CACNA1B: variants seen among roughly 807,000 people sequenced by gnomAD.
CACNA1B encodes voltage-dependent N-type calcium channel subunit alpha-1B.
A neutral mutation model predicts 247.2 loss-of-function variants in CACNA1B; 70 were observed. That is an observed-to-expected ratio of 0.28 (90% CI 0.23 to 0.35). The LOEUF (loss-of-function observed/expected upper bound fraction) is 0.35, where lower values mean the gene tolerates loss of function less well. Ranked by LOEUF, CACNA1B falls within the 10% of genes least tolerant of loss-of-function variation. The pLI, the probability that CACNA1B is intolerant of heterozygous loss-of-function variation, is 1.00. For synonymous variants in CACNA1B, 1,231 were observed against 1,294.4 expected, an observed-to-expected ratio of 0.95 and a Z score of 1.05; for missense variants, 2,367 against 3,197.4, an observed-to-expected ratio of 0.74 and a Z score of 6.26.
chr9:138,002,002 C>T (rs1475906222), intron 15 of CACNA1B, among the ~76,000 whole-genome samples: 1 of 152,122 alleles, frequency 6.6e-6, no homozygotes, highest in Non-Finnish European at 1.5e-5. Flanking sequence ...TCAACGCAAT[C>T]CTGATCCAAA....
intron 32 of CACNA1B, among the ~76,000 whole-genome samples, chr9:138,071,358 T>C (rs1589110886): frequency 6.6e-6 from 1 of 152,126 alleles, no homozygotes; most frequent in Non-Finnish European, 1.5e-5. Context: ...CTCAGTGAGG[T>C]TGGGGCAGGC....
intron 36 of CACNA1B, among the ~76,000 whole-genome samples, chr9:138,085,113 A>G (rs1405819862): frequency 6.6e-6 from 1 of 150,964 alleles, no homozygotes; most frequent in African/African-American, 2.5e-5. Flanking sequence ...ACAGATAGAC[A>G]ATGCAATGAA....
Position 138,122,017 on chromosome 9 carries a change from A to G in CACNA1B, c.*18A>G. On this transcript the variant is annotated 3_prime_UTR_variant, in exon 47 of 47. Coordinates refer to ENST00000371372, the MANE Select transcript of CACNA1B (RefSeq NM_000718.4). ...GGTGCTAGCTGCACCGTGACCGCTCAGACGCCTGCATGCAGCAGGCGTGTG... is the reference window on the plus strand; with the variant it reads ...GGTGCTAGCTGCACCGTGACCGCTCGGACGCCTGCATGCAGCAGGCGTGTG... The G allele has an allele frequency of 6.3e-7, 1 of 1,583,856 alleles. No individual in the cohort carries two copies. The highest frequency in any genetic ancestry group is 8.5e-7 in the Non-Finnish European group (1 of 1,170,072).
In CACNA1B at chr9:138,050,087, G is replaced by T; in HGVS notation, c.3710+772G>T. ...CTGGACTCGGCAGGAGCTTCGTGGGGTAATGCCTTCTCTCCCCCACACGCT... is the reference window on the plus strand; with the variant it reads ...CTGGACTCGGCAGGAGCTTCGTGGGTTAATGCCTTCTCTCCCCCACACGCT... On this transcript the variant is annotated intron_variant, in intron 24 of 46. Coordinates refer to ENST00000371372, the MANE Select transcript of CACNA1B (RefSeq NM_000718.4). This position sits in a 1 kb window ranked among gnomAD's most constrained non-coding sequence, Gnocchi z 5.2. 1 of 1,289,572 alleles carries T rather than the reference G, an allele frequency of 7.8e-7. No individual in the cohort carries two copies. Among genetic ancestry groups the T allele is most frequent in the Admixed American group, 2.3e-5 (1 of 43,566 alleles). The allele number at this position is 1,289,572 out of a possible 1,614,324, so 79.9% of individuals were successfully genotyped here.
chr9:137,979,568 C>T (rs966254640), intron 12 of CACNA1B, among the ~76,000 whole-genome samples: 2 of 152,246 alleles, frequency 1.3e-5, no homozygotes, highest in South Asian at 4.1e-4. Flanking sequence ...AGGATGTGAA[C>T]ACCAGACAGT....
chr9:138,076,231 C>T (rs552295502), intron 35 of CACNA1B, among the ~76,000 whole-genome samples: 2 of 152,296 alleles, frequency 1.3e-5, no homozygotes, highest in Admixed American at 6.5e-5. Context: ...GGTGAGGCTC[C>T]AGGCAGAGGT....
intron 5 of CACNA1B, among the ~76,000 whole-genome samples, chr9:137,916,056 G>C: frequency 7.2e-6 from 1 of 138,988 alleles, no homozygotes; most frequent in Non-Finnish European, 1.5e-5. Flanking sequence ...TTTTTGAGAC[G>C]GAGTCTCACT....
At chr9:138,042,790 C>T (rs942316293) in intron 20 of CACNA1B, among the ~76,000 whole-genome samples, 2 of 152,188 alleles carry the variant, frequency 1.3e-5, no homozygotes, top group Admixed American at 1.3e-4. Context: ...TTTTCTCTGG[C>T]ACAGCCCTTC....
At chr9:138,017,649 G>A (rs974074955) in intron 18 of CACNA1B, among the ~76,000 whole-genome samples, 1 of 152,200 alleles carries the variant, frequency 6.6e-6, no homozygotes, top group Admixed American at 6.5e-5. Context: ...GAGGGACTGT[G>A]TCTGTGATTC....
At chr9:138,096,333 C>A (rs1961054583) in intron 36 of CACNA1B, 151 bp from the exon 37 acceptor site, 1 of 607,668 alleles carries the variant, frequency 1.6e-6, no homozygotes, top group East Asian at 2.8e-5. Flanking sequence ...CTTGGAAGTC[C>A]CATGGGGAGA....
Position 138,007,023 on chromosome 9 carries a change from G to C in CACNA1B, c.2092+139G>C. On this transcript the variant is annotated intron_variant, in intron 16 of 46. Coordinates refer to ENST00000371372, the MANE Select transcript of CACNA1B (RefSeq NM_000718.4). The surrounding 1 kb of genome is among the most constrained non-coding windows in gnomAD (Gnocchi z 4.1). ...ATTCTCAGAGCTGAGTGCAGATGGA[G>C]AACATTCTGCAGGTGGCCGGAGCGC... is the stretch of plus-strand genomic sequence containing the variant. 5 of 607,242 alleles carry C rather than the reference G, an allele frequency of 8.2e-6. No homozygotes were observed. The highest frequency in any genetic ancestry group is 3.0e-6 in the Non-Finnish European group (1 of 329,032). The allele number at this position is 607,242 out of a possible 1,614,324, so 37.6% of individuals were successfully genotyped here. A position where few individuals can be genotyped will look rare whatever the true frequency, so the allele number is the denominator to read the frequency against.
intron 20 of CACNA1B, among the ~76,000 whole-genome samples, chr9:138,039,700 A>C (rs905501157): frequency 1.3e-5 from 2 of 151,982 alleles, no homozygotes; most frequent in African/African-American, 4.8e-5. Flanking sequence ...GATCTGTATG[A>C]TAGTTTTCTT....
At chr9:137,939,803 A>AAAAT (rs756173569) in intron 6 of CACNA1B, among the ~76,000 whole-genome samples, 6,578 of 143,728 alleles carry the variant, frequency 0.046, 192 homozygotes, top group Middle Eastern at 0.06. Flanking sequence ...ACTCCGTCTC[A>AAAAT]AAATAAATAA....
chr9:137,945,582 C>A (rs1289680768), intron 6 of CACNA1B, among the ~76,000 whole-genome samples: 1 of 152,260 alleles, frequency 6.6e-6, no homozygotes, highest in African/African-American at 2.4e-5. Flanking sequence ...AAGCTTTTAA[C>A]TTCAGCCAAT....
chr9:138,106,890 C>T (rs1209288118), intron 39 of CACNA1B, among the ~76,000 whole-genome samples: 2 of 152,208 alleles, frequency 1.3e-5, no homozygotes, highest in African/African-American at 2.4e-5. Context: ...CCAGCTTCAC[C>T]AGAGCTGCCC....
chr9:138,118,854 G>A, intron 44 of CACNA1B, 86 bp downstream of exon 44: 1 of 673,954 alleles, frequency 1.5e-6, no homozygotes, highest in Non-Finnish European at 2.6e-6. Flanking sequence ...TCCTGCAGGT[G>A]AGGAGAGCTG....
chr9:138,031,428 T>C (rs930921184), intron 20 of CACNA1B, among the ~76,000 whole-genome samples: 1 of 152,164 alleles, frequency 6.6e-6, no homozygotes, highest in Non-Finnish European at 1.5e-5. Context: ...TGGCCCAGGA[T>C]GTGGGATATC....
chr9:137,970,933 C>T (rs1247694384), intron 10 of CACNA1B, among the ~76,000 whole-genome samples: 1 of 152,318 alleles, frequency 6.6e-6, no homozygotes, highest in Non-Finnish European at 1.5e-5. Context: ...GCAGCCCATG[C>T]GTGCTGACCC....
chr9:137,989,777 T>C (rs1480179899), intron 15 of CACNA1B, among the ~76,000 whole-genome samples: 1 of 152,100 alleles, frequency 6.6e-6, no homozygotes, highest in African/African-American at 2.4e-5. Flanking sequence ...ACCCAGATCA[T>C]TTGAAAGCAC....
Sources: allele counts gnomAD v4.1 joint callset (sites outside exome capture counted in the v4.1 genomes callset), GRCh38; gene constraint gnomAD v4.1.1; non-coding constraint Gnocchi (gnomAD v3.1); transcripts MANE v1.5; gene names NCBI Gene and HGNC (gene_info 2026-07-23, HGNC 2026-07-21).